PCCB: variants seen among roughly 807,000 people sequenced by gnomAD.
The protein encoded by PCCB is propionyl-CoA carboxylase subunit beta.
PCCB carries 43 observed loss-of-function variants against 60.7 expected under a neutral mutation model. The observed-to-expected ratio is 0.71, with a 90% CI of 0.55 to 0.91. The LOEUF (loss-of-function observed/expected upper bound fraction) is 0.91. Ranked by LOEUF, PCCB falls within the 40% of genes least tolerant of loss-of-function variation. PCCB has a pLI of 0.00. For synonymous variants in PCCB, 276 were observed against 255.9 expected, an observed-to-expected ratio of 1.08 and a Z score of -0.75; for missense variants, 766 against 702.8, an observed-to-expected ratio of 1.09 and a Z score of -1.02.
intron 5 of PCCB, among the ~76,000 whole-genome samples, chr3:136,266,810 A>G (rs1359138381): frequency 6.6e-6 from 1 of 152,136 alleles, no homozygotes; most frequent in Non-Finnish European, 1.5e-5. Context: ...GTCCTTTATC[A>G]TATATATGAT....
intron 5 of PCCB, among the ~76,000 whole-genome samples, chr3:136,262,506 C>T (rs1191829576): frequency 1.3e-5 from 2 of 152,148 alleles, no homozygotes; most frequent in East Asian, 3.8e-4. Flanking sequence ...GAAATCACCC[C>T]AGATCCTACC....
At chr3:136,269,369 A>T (rs1199111280) in intron 5 of PCCB, among the ~76,000 whole-genome samples, 1 of 152,124 alleles carries the variant, frequency 6.6e-6, no homozygotes, top group East Asian at 1.9e-4. Flanking sequence ...TGATTTTCAT[A>T]TGTTGATCTT....
intron 1 of PCCB, among the ~76,000 whole-genome samples, chr3:136,253,532 G>A (rs1941582698): frequency 6.7e-6 from 1 of 149,992 alleles, no homozygotes; most frequent in African/African-American, 2.5e-5. Flanking sequence ...TTTAAGGCAC[G>A]TGCCACCACA....
In PCCB at chr3:136,301,088, A is replaced by G. The variant is rs1456890228; in HGVS notation, c.943A>G (p.Asn315Asp). 2.5e-6 allele frequency: 4 copies of G among 1,613,878 alleles called. No homozygotes were observed. In the Admixed American group the frequency reaches 6.7e-5, roughly 27 times the overall value. Residue 315 changes from asparagine (N) to aspartate (D), a missense_variant, in exon 9 of 15, where the codon AAC (asparagine) becomes GAC (aspartate). Physicochemically the swap from Asn to Asp is conservative, Grantham distance 23. Transcript: ENST00000251654. ...CCCTTTGGAATCAACCAAAGCCTAC[A>G]ACATGGTGGACATCATACACTCTGT... is the stretch of plus-strand genomic sequence containing the variant. ...IVPLESTKAY[N>D]MVDIIHSVVD... is the part of the protein sequence containing the mutation.
intron 5 of PCCB, among the ~76,000 whole-genome samples, chr3:136,268,094 A>ATATATATG (rs1553775743): frequency 7.8e-5 from 5 of 64,324 alleles, no homozygotes; most frequent in Admixed American, 1.6e-4. Flanking sequence ...GTAGATATAT[A>ATATATATG]TATATATATA....
intron 2 of PCCB, chr3:136,256,218 C>T (rs1190227904): frequency 3.4e-6 from 2 of 582,386 alleles, no homozygotes; most frequent in Non-Finnish European, 3.0e-6. Context: ...GTTGGGACTA[C>T]AGGCGTGAGC....
At chr3:136,299,935 T>G (rs571359763) in intron 8 of PCCB, among the ~76,000 whole-genome samples, 3 of 151,970 alleles carry the variant, frequency 2.0e-5, no homozygotes, top group African/African-American at 7.3e-5. Context: ...TATGTATATG[T>G]ATACGCATAT....
At chr3:136,300,107 T>C (rs1412098719) in intron 8 of PCCB, among the ~76,000 whole-genome samples, 3 of 151,780 alleles carry the variant, frequency 2.0e-5, no homozygotes, top group South Asian at 2.1e-4. Flanking sequence ...TATACATACA[T>C]GCATATCTAC....
At chr3:136,326,672 C>G (rs548757010) in intron 10 of PCCB, 131 bp from the exon 11 acceptor site, 1 of 758,056 alleles carries the variant, frequency 1.3e-6, no homozygotes, top group Admixed American at 1.8e-5. Flanking sequence ...TCCTTGTTAC[C>G]ATTCTGCAAC....
chr3:136,257,421 T>G (rs1233969413), intron 3 of PCCB, among the ~76,000 whole-genome samples: 1 of 152,220 alleles, frequency 6.6e-6, no homozygotes, highest in Non-Finnish European at 1.5e-5. Context: ...AACCTTAATT[T>G]TAGCCCAGTC....
At chr3:136,327,476 AG>A (rs1477213733) in intron 12 of PCCB, among the ~76,000 whole-genome samples, 157 bp from the exon 13 acceptor site, 1 of 152,168 alleles carries the variant, frequency 6.6e-6, no homozygotes, top group Non-Finnish European at 1.5e-5. Context: ...AAAGATAATG[AG>A]CATTAACTTT....
chr3:136,317,808 GC>G (rs1464341520), intron 10 of PCCB, among the ~76,000 whole-genome samples: 1 of 152,160 alleles, frequency 6.6e-6, no homozygotes, highest in African/African-American at 2.4e-5. Flanking sequence ...CCATGTCTGT[GC>G]CCCACAGCTT....
intron 10 of PCCB, among the ~76,000 whole-genome samples, chr3:136,319,755 G>A (rs941924645): frequency 4.6e-5 from 7 of 152,248 alleles, no homozygotes; most frequent in Admixed American, 3.9e-4. Flanking sequence ...TGTTGCATGT[G>A]CTTTTGTTGT....
chr3:136,292,414 C>T (rs1933736512), intron 6 of PCCB, among the ~76,000 whole-genome samples: 1 of 151,930 alleles, frequency 6.6e-6, no homozygotes, highest in Admixed American at 6.6e-5. Flanking sequence ...TTCCTTAGTA[C>T]ATAAAAAAGC....
chr3:136,283,737 G>GA (rs1320169129), intron 5 of PCCB, 100 bp from the exon 6 acceptor site: 11 of 863,170 alleles, frequency 1.3e-5, no homozygotes, highest in African/African-American at 6.6e-5. Context: ...ATTTCTGTGG[G>GA]AAAAAAGCCA....
intron 5 of PCCB, among the ~76,000 whole-genome samples, chr3:136,281,319 G>C (rs902871103): frequency 4.6e-5 from 7 of 151,148 alleles, no homozygotes; most frequent in Admixed American, 2.6e-4. Flanking sequence ...TCTTTTTTCT[G>C]GTTCCTTATA....
chr3:136,265,452 G>C (rs1043756593), intron 5 of PCCB, among the ~76,000 whole-genome samples: 13 of 152,146 alleles, frequency 8.5e-5, no homozygotes, highest in African/African-American at 2.9e-4. Context: ...CATGTTTTTT[G>C]AGGTTCATTT....
At chr3:136,260,047 C>G in intron 3 of PCCB, 1 of 264,242 alleles carries the variant, frequency 3.8e-6, no homozygotes, top group Non-Finnish European at 7.2e-6. Context: ...CCACCATGCC[C>G]GGGCAACTTT....
At chr3:136,303,739 G>A (rs1695177395) in intron 9 of PCCB, among the ~76,000 whole-genome samples, 1 of 121,430 alleles carries the variant, frequency 8.2e-6, no homozygotes. Context: ...AAGTAGCTGG[G>A]ATTACAGGCG....
Sources: gnomAD v4.1 joint callset for allele counts (sites outside exome capture counted in the v4.1 genomes callset) on GRCh38, gnomAD v4.1.1 for gene constraint, MANE v1.5 for transcripts, NCBI Gene and HGNC (gene_info 2026-07-23, HGNC 2026-07-21) for gene names.